The following FOCAD variants were observed in gnomAD, a reference collection of about 807,000 sequenced individuals.
FOCAD encodes focadhesin, also known as KIAA1797.
FOCAD carries 198 observed loss-of-function variants against 225.6 expected under a neutral mutation model. The ratio of observed to expected loss-of-function variants is 0.88; its 90% CI spans 0.78 to 0.99. FOCAD has a LOEUF of 0.99. FOCAD is among the 50% of genes least tolerant of loss of function. FOCAD has a pLI of 0.00. For missense variants in FOCAD, 2,713 were observed against 2,123.6 expected (o/e 1.28, Z -5.46); for synonymous variants, 897 against 755.0 (o/e 1.19, Z -3.08).
chr9:20,912,968 T>C lies in FOCAD; in HGVS notation c.2807+14T>C, dbSNP rs576365432. The stretch of plus-strand genomic sequence containing the variant: ...AGCCTGGCTCTGGTAAGTGTTCATG[T>C]TCAGCTGCCCATTATTTGTCATGGG... On this transcript the variant is annotated intron_variant, in intron 23 of 43. Transcript: ENST00000338382. 1.2e-6 allele frequency: 2 copies of C among 1,602,546 alleles called. No homozygotes were observed. The highest frequency in any genetic ancestry group is 1.7e-5 in the Admixed American group (1 of 59,610).
At chr9:20,940,430 A>T (rs1444605662) in intron 28 of FOCAD, among the ~76,000 whole-genome samples, 1 of 152,014 alleles carries the variant, frequency 6.6e-6, no homozygotes, top group African/African-American at 2.4e-5. Flanking sequence ...TACTACAGGC[A>T]TATGCAACCA....
At position 20,875,030 on chromosome 9, in the gene FOCAD, T is replaced by C. The variant is rs1035076728; in HGVS notation, c.2317+223T>C. 12 of 506,944 alleles carry C rather than the reference T, an allele frequency of 2.4e-5. No homozygotes were observed. The Admixed American group carries it at 2.4e-4, about 10-fold the overall frequency. The allele number at this position is 506,944 out of a possible 1,614,324, so 31.4% of individuals were successfully genotyped here. ...TCTGAGTAGGATTGAACAAGAAAAC[T>C]AGTGTAAACAATTGTGTTCACTGAT... On this transcript the variant is annotated intron_variant, in intron 19 of 43. Coordinates refer to ENST00000338382, the MANE Select transcript of FOCAD (RefSeq NM_001375567.1).
At chr9:20,694,183 A>G (rs1187635983) in intron 1 of FOCAD, among the ~76,000 whole-genome samples, 1 of 152,196 alleles carries the variant, frequency 6.6e-6, no homozygotes, top group African/African-American at 2.4e-5. Flanking sequence ...TTTTTGTACA[A>G]AGCAAAGCTG....
rs941987418 is a variant in FOCAD at position 20,815,126 on chromosome 9, TTTTTTTTTTTG to T, written c.1456-4659_1456-4649del. 3.1e-4 allele frequency among the ~76,000 whole-genome samples: 30 copies of T among 97,014 alleles called. 3 individuals carry two copies. Among genetic ancestry groups the T allele is most frequent in the Non-Finnish European group, 4.3e-4 (21 of 48,666 alleles). 63.6% of individuals were successfully genotyped at this position (97,014 alleles called of 152,430 possible). A position where few individuals can be genotyped will look rare whatever the true frequency, so the allele number is the denominator to read the frequency against. On this transcript the variant is annotated intron_variant, in intron 11 of 43. Coordinates refer to ENST00000338382, the MANE Select transcript of FOCAD (RefSeq NM_001375567.1). Reference sequence around the variant, plus strand: ...GGAAATATCATTACTTCTCTTTGTTTTTTTTTTTTTGTTTTTTTTTTTTTTTTTGAGACAGT... The same window carrying T: ...GGAAATATCATTACTTCTCTTTGTTTTTTTTTTTTTTTTTTTTGAGACAGT...
chr9:20,962,083 A>G (rs1292128011), intron 35 of FOCAD, among the ~76,000 whole-genome samples: 1 of 152,120 alleles, frequency 6.6e-6, no homozygotes, highest in Non-Finnish European at 1.5e-5. Flanking sequence ...GTAGAAAAAA[A>G]TCGTACTCAT....
In FOCAD at chr9:20,874,748, C is replaced by T; in HGVS notation, c.2258C>T (p.Ser753Leu). 6.2e-7 allele frequency: 1 copy of T among 1,613,708 alleles called. No homozygotes were observed. Among genetic ancestry groups the T allele is most frequent in the East Asian group, 2.2e-5 (1 of 44,828 alleles). ...DDEDVEDVDL[S>L]VPGSCYLKLL... ...GAAGATGTTGAGGATGTGGATCTTT[C>T]AGTTCCTGGCTCTTGCTATCTCAAA... Residue 753 changes from serine to leucine, a missense_variant, in exon 19 of 44, where the codon TCA becomes TTA. By Grantham distance (145) the Ser-to-Leu change is moderately radical. Coordinates refer to ENST00000338382, the MANE Select transcript of FOCAD (RefSeq NM_001375567.1).
At chr9:20,943,783 A>G (rs1212740542) in intron 28 of FOCAD, among the ~76,000 whole-genome samples, 2 of 152,200 alleles carry the variant, frequency 1.3e-5, no homozygotes, top group East Asian at 3.8e-4. Flanking sequence ...CTGAAAAAAC[A>G]TTGCATTTTC....
chr9:20,771,290 T>C (rs776039441), intron 8 of FOCAD, among the ~76,000 whole-genome samples: 16 of 152,320 alleles, frequency 1.1e-4, no homozygotes, highest in Non-Finnish European at 1.5e-4. Flanking sequence ...CATTTTATCC[T>C]CTAGGCAATG....
chr9:20,923,989 T>G (rs1003215907), intron 25 of FOCAD, among the ~76,000 whole-genome samples: 12 of 152,200 alleles, frequency 7.9e-5, no homozygotes, highest in Non-Finnish European at 1.6e-4. Flanking sequence ...TATTTGAAGG[T>G]GCCAATTTTA....
intron 11 of FOCAD, among the ~76,000 whole-genome samples, chr9:20,793,530 T>C (rs1039946033): frequency 2.0e-5 from 3 of 152,216 alleles, no homozygotes; most frequent in Admixed American, 6.5e-5. Flanking sequence ...ATTGAAGGAA[T>C]TGTAACTTTT....
Position 20,776,964 on chromosome 9 carries a change from AATAG to A in FOCAD, c.907-1713_907-1710del, listed in dbSNP as rs1818818587. 2.0e-5 allele frequency among the ~76,000 whole-genome samples: 3 copies of A among 152,340 alleles called. No individual in the cohort carries two copies. In the South Asian group the frequency reaches 6.2e-4, roughly 32 times the overall value. On this transcript the variant is annotated intron_variant, in intron 8 of 43. Transcript: ENST00000338382. ...TTTCAAAATGCATGTATTATCCTCAAATAGATAAGAGTTGCTTCATTGTTTTCGA... is the reference window on the plus strand; with the variant it reads ...TTTCAAAATGCATGTATTATCCTCAAATAAGAGTTGCTTCATTGTTTTCGA...
intron 15 of FOCAD, among the ~76,000 whole-genome samples, chr9:20,829,564 A>C (rs1825280038): frequency 6.6e-6 from 1 of 152,070 alleles, no homozygotes; most frequent in Non-Finnish European, 1.5e-5. Flanking sequence ...ATGTCTATTC[A>C]GATCCTTTGA....
chr9:20,861,193 C>G (rs1427208973), intron 15 of FOCAD, among the ~76,000 whole-genome samples: 2 of 152,042 alleles, frequency 1.3e-5, no homozygotes, highest in Non-Finnish European at 2.9e-5. Context: ...CTTTTTGTTT[C>G]CAATAATTTA....
rs368178325 is a variant in FOCAD, at chr9:20,976,293, G to A, written c.4133-127G>A. On this transcript the variant is annotated intron_variant, in intron 35 of 43. Transcript: ENST00000338382. ...GAAATTAAGAGCACAGAATTGAAGC[G>A]TTGATCGCAATTGAATATGTGATAT... 2.1e-3 allele frequency: 1,777 copies of A among 827,908 alleles called. 58 individuals carry two copies. In the South Asian group the frequency reaches 0.034, roughly 16 times the overall value. 51.3% of individuals were successfully genotyped at this position (827,908 alleles called of 1,614,324 possible). A position where few individuals can be genotyped will look rare whatever the true frequency, so the allele number is the denominator to read the frequency against.
intron 10 of FOCAD, among the ~76,000 whole-genome samples, chr9:20,782,502 G>A (rs1056271119): frequency 3.9e-5 from 6 of 152,218 alleles, no homozygotes; most frequent in East Asian, 1.9e-4. Flanking sequence ...GCCTCATTCC[G>A]CTTTTTCAGT....
chr9:20,938,918 A>G (rs977316081), intron 28 of FOCAD, among the ~76,000 whole-genome samples: 1 of 151,580 alleles, frequency 6.6e-6, no homozygotes, highest in African/African-American at 2.4e-5. Context: ...ACCCTTAAAA[A>G]TGATAAAGAT....
chr9:20,961,132 GCTCCTCTCCT>G (rs907171465), intron 35 of FOCAD, among the ~76,000 whole-genome samples: 1 of 151,114 alleles, frequency 6.6e-6, no homozygotes, highest in Non-Finnish European at 1.5e-5. Context: ...GTAAGAAATG[GCTCCTCTCCT>G]CTCCTCTCCA....
At position 20,951,098 on chromosome 9, in the gene FOCAD, G is replaced by T. The variant is rs765129889; in HGVS notation, c.4051G>T (p.Val1351Phe). The T allele has an allele frequency of 1.9e-6, 3 of 1,611,190 alleles. No individual in the cohort carries two copies. Among genetic ancestry groups the T allele is most frequent in the Admixed American group, 3.3e-5 (2 of 59,962 alleles). ...TLSSSQSRAS[V>F]PTDYSYLPES... The stretch of plus-strand genomic sequence containing the variant: ...ATCCTCAAGTCAAAGTAGAGCCTCT[G>T]GTAAGATTAAAGTCATAAAATACTG... Residue 1351 changes from valine to phenylalanine, a missense_variant and splice_region_variant, in exon 34 of 44, where the codon GTT (valine) becomes TTT (phenylalanine). Physicochemically the swap from Val to Phe is conservative, Grantham distance 50 (BLOSUM62 -1). Transcript: ENST00000338382.
At chr9:20,886,720 A>T (rs1371423160) in intron 21 of FOCAD, among the ~76,000 whole-genome samples, 2 of 152,190 alleles carry the variant, frequency 1.3e-5, no homozygotes, top group Non-Finnish European at 2.9e-5. Flanking sequence ...CCAAATGTAT[A>T]GTAGGATTTT....
Sources: allele counts gnomAD v4.1 joint callset (sites outside exome capture counted in the v4.1 genomes callset), GRCh38; gene constraint gnomAD v4.1.1; transcripts MANE v1.5; gene names NCBI Gene and HGNC (gene_info 2026-07-23, HGNC 2026-07-21).